Variants in IGFL4 observed in about 807,000 individuals in gnomAD.
The protein encoded by IGFL4 is IGF like family member 4, also known as insulin growth factor-like family member 4.
IGFL4 carries 12 observed loss-of-function variants against 15.4 expected under a neutral mutation model. The observed-to-expected ratio is 0.78, with a 90% CI of 0.50 to 1.26. The LOEUF (loss-of-function observed/expected upper bound fraction) is 1.26, where lower values mean the gene tolerates loss of function less well. Ranked by LOEUF, IGFL4 falls within the 50% of genes most tolerant of loss-of-function variation. The pLI, the probability that IGFL4 is intolerant of heterozygous loss-of-function variation, is 0.00. For synonymous variants in IGFL4, 54 were observed against 55.9 expected (o/e 0.97, Z 0.16); for missense variants, 126 against 147.8 (o/e 0.85, Z 0.76).
chr19:46,044,273 C>T (rs562197966), upstream of IGFL4, among the ~76,000 whole-genome samples: 7 of 152,302 alleles, frequency 4.6e-5, no homozygotes, highest in South Asian at 1.5e-3. Flanking sequence ...GCCACAGGGG[C>T]ACTCACAGAG....
At position 46,051,022 on chromosome 19, in the gene IGFL4, C is replaced by T. The variant is rs146649900; in HGVS notation, c.-323+9163G>A. Among the ~76,000 whole-genome samples the T allele has an allele frequency of 2.6e-5, 4 of 152,314 alleles. No homozygotes were observed. The East Asian group carries it at 7.7e-4, about 29-fold the overall frequency. ...GGGATTGAGGTCCTATCTTTAGTCT[C>T]CTTAAACAACGCAATTATCAGCCAA... On this transcript the variant is annotated intron_variant, in intron 2 of 5. Coordinates refer to the IGFL4 transcript ENST00000601672.
intron 1 of IGFL4, among the ~76,000 whole-genome samples, chr19:46,074,281 A>G (rs1037246598): frequency 1.3e-5 from 2 of 150,732 alleles, no homozygotes; most frequent in African/African-American, 2.5e-5. Context: ...GGAGATATAT[A>G]TATACATATA....
upstream of IGFL4, among the ~76,000 whole-genome samples, chr19:46,042,294 C>A (rs1969254463): frequency 6.6e-6 from 1 of 152,170 alleles, no homozygotes; most frequent in Admixed American, 6.5e-5. Context: ...CACATCCAAA[C>A]AGAAATCCCA....
intron 1 of IGFL4, among the ~76,000 whole-genome samples, chr19:46,062,482 C>T (rs1351105069): frequency 6.6e-6 from 1 of 152,176 alleles, no homozygotes; most frequent in Non-Finnish European, 1.5e-5. Context: ...CTTTTAAGTG[C>T]TCAAGATAGT....
chr19:46,070,779 T>C (rs1411501660), intron 1 of IGFL4, among the ~76,000 whole-genome samples: 1 of 152,184 alleles, frequency 6.6e-6, no homozygotes, highest in African/African-American at 2.4e-5. Context: ...AAGTACCTAC[T>C]TCACCCTCTC....
chr19:46,055,968 G>C lies in IGFL4; in HGVS notation c.-323+4217C>G, dbSNP rs187466415. On this transcript the variant is annotated intron_variant, in intron 2 of 5. Transcript: ENST00000601672. Reference sequence around the variant, plus strand: ...ATTTTTGTATTTTTAGTAGAGACAGGGTTTCACCATGTTGGCCAGGCTGAT... The same window carrying C: ...ATTTTTGTATTTTTAGTAGAGACAGCGTTTCACCATGTTGGCCAGGCTGAT... Among the ~76,000 whole-genome samples, 33 of 152,222 alleles carry C rather than the reference G, an allele frequency of 2.2e-4. 1 individual carries two copies. In the East Asian group the frequency reaches 5.4e-3, roughly 25 times the overall value.
At chr19:46,053,152 C>A (rs1216701138) in intron 2 of IGFL4, among the ~76,000 whole-genome samples, 2 of 152,094 alleles carry the variant, frequency 1.3e-5, no homozygotes, top group Non-Finnish European at 2.9e-5. Context: ...ATATTAGTCA[C>A]TTACACTGCA....
Position 46,040,914 on chromosome 19 carries a change from T to C in IGFL4, c.19+30A>G. The C allele has an allele frequency of 1.9e-6, 3 of 1,575,638 alleles. No homozygotes were observed. Among genetic ancestry groups the C allele is most frequent in the Non-Finnish European group, 2.6e-6 (3 of 1,157,202 alleles). On this transcript the variant is annotated intron_variant, in intron 1 of 3. Transcript: ENST00000377697. This position sits in a 1 kb window ranked among gnomAD's most constrained non-coding sequence, Gnocchi z 4.1. ...TTAGGGATGTGATATCATTAGGGATTAGCTTAGCCTAGGGCTGGGGTCTCC... is the reference window on the plus strand; with the variant it reads ...TTAGGGATGTGATATCATTAGGGATCAGCTTAGCCTAGGGCTGGGGTCTCC...
intron 1 of IGFL4, among the ~76,000 whole-genome samples, chr19:46,068,992 T>A (rs1450091478): frequency 4.6e-5 from 7 of 152,200 alleles, no homozygotes; most frequent in Admixed American, 3.9e-4. Context: ...CCCTCGGTCC[T>A]CTGATTCTGA....
At chr19:46,074,797 G>A (rs780614250) in intron 1 of IGFL4, among the ~76,000 whole-genome samples, 3 of 152,150 alleles carry the variant, frequency 2.0e-5, no homozygotes, top group Non-Finnish European at 4.4e-5. Flanking sequence ...TACCTTCACA[G>A]GCACACCTAG....
chr19:46,056,988 T>C lies in IGFL4; in HGVS notation c.-323+3197A>G, dbSNP rs1419608250. Among the ~76,000 whole-genome samples, 6 of 152,180 alleles carry C rather than the reference T, an allele frequency of 3.9e-5. No homozygotes were observed. In the South Asian group the frequency reaches 1.2e-3, roughly 31 times the overall value. ...GGCTTCAGAGTCCCAAAGGCTGTTATTTTCTTCCTTTCTGGACAATAAGGT... is the reference window on the plus strand; with the variant it reads ...GGCTTCAGAGTCCCAAAGGCTGTTACTTTCTTCCTTTCTGGACAATAAGGT... On this transcript the variant is annotated intron_variant, in intron 2 of 5. Coordinates refer to the IGFL4 transcript ENST00000601672.
intron 1 of IGFL4, among the ~76,000 whole-genome samples, chr19:46,073,160 A>G (rs1201546001): frequency 6.6e-6 from 1 of 152,182 alleles, no homozygotes; most frequent in African/African-American, 2.4e-5. Context: ...ACATTAGACG[A>G]AGTTGGGTGA....
intron 1 of IGFL4, among the ~76,000 whole-genome samples, chr19:46,072,888 G>T (rs1331736684): frequency 6.6e-6 from 1 of 152,170 alleles, no homozygotes; most frequent in African/African-American, 2.4e-5. Context: ...TCTCGGGGGA[G>T]ATGCAGATAC....
chr19:46,071,660 G>A (rs1039903598), intron 1 of IGFL4, among the ~76,000 whole-genome samples: 2 of 152,138 alleles, frequency 1.3e-5, no homozygotes, highest in Non-Finnish European at 2.9e-5. Context: ...TCAAGTGGTG[G>A]AATAATATTT....
chr19:46,056,939 A>G (rs1969398714), intron 2 of IGFL4, among the ~76,000 whole-genome samples: 1 of 152,122 alleles, frequency 6.6e-6, no homozygotes, highest in African/African-American at 2.4e-5. Flanking sequence ...CTCACTTTTG[A>G]TCATGTGCAC....
upstream of IGFL4, among the ~76,000 whole-genome samples, chr19:46,077,486 A>G (rs1035565898): frequency 6.6e-6 from 1 of 152,126 alleles, no homozygotes; most frequent in African/African-American, 2.4e-5. This position sits in a 1 kb window ranked among gnomAD's most constrained non-coding sequence, Gnocchi z 5.4. Flanking sequence ...AGAGGCGGGG[A>G]TCCTAGTATC....
intron 1 of IGFL4, among the ~76,000 whole-genome samples, chr19:46,063,800 T>A (rs1969468859): frequency 1.3e-5 from 2 of 152,206 alleles, no homozygotes; most frequent in African/African-American, 4.8e-5. Context: ...ATTGCTGCAA[T>A]AAATTCAAGA....
Position 46,056,414 on chromosome 19 carries a change from C to T in IGFL4, c.-323+3771G>A, listed in dbSNP as rs564561668. On this transcript the variant is annotated intron_variant, in intron 2 of 5. Transcript: ENST00000601672. ...TATATGAAGTTCACCTCAGGAGGCT[C>T]ATACTGGAATTAAGAGGCATTTCAA... 9.4e-4 allele frequency among the ~76,000 whole-genome samples: 143 copies of T among 152,272 alleles called. 1 individual carries two copies. Among genetic ancestry groups the T allele is most frequent in the African/African-American group, 3.4e-3 (140 of 41,548 alleles).
upstream of IGFL4, among the ~76,000 whole-genome samples, chr19:46,044,675 C>T (rs56355702): frequency 0.19 from 29,594 of 152,144 alleles, 3,096 homozygotes; most frequent in African/African-American, 0.24. Flanking sequence ...GGTTCCCTGA[C>T]CCCATTCCTC....
Sources: gnomAD v4.1 joint callset for allele counts (sites outside exome capture counted in the v4.1 genomes callset) on GRCh38, gnomAD v4.1.1 for gene constraint, Gnocchi (gnomAD v3.1) non-coding constraint, MANE v1.5 for transcripts, NCBI Gene and HGNC (gene_info 2026-07-23, HGNC 2026-07-21) for gene names.